The following AFF3 variants were observed in gnomAD, a reference collection of about 807,000 sequenced individuals.
AFF3 encodes the protein ALF transcription elongation factor 3.
AFF3 carries 32 observed loss-of-function variants against 129.7 expected under a neutral mutation model. The ratio of observed to expected loss-of-function variants is 0.25; its 90% confidence interval spans 0.19 to 0.33. The LOEUF (loss-of-function observed/expected upper bound fraction) is 0.33. Ranked by LOEUF, AFF3 falls within the 10% of genes least tolerant of loss-of-function variation. The pLI is 1.00. For synonymous variants in AFF3, 644 were observed against 635.4 expected, an observed-to-expected ratio of 1.01 and a Z score of -0.20; for missense variants, 1,373 against 1,592.0, an observed-to-expected ratio of 0.86 and a Z score of 2.34.
chr2:99,673,140 G>C (rs1465593349), intron 11 of AFF3, among the ~76,000 whole-genome samples: 1 of 151,708 alleles, frequency 6.6e-6, no homozygotes, highest in Non-Finnish European at 1.5e-5. Context: ...CAAGCTCCCA[G>C]TGCTGGGCTG....
chr2:99,984,061 G>A (rs1679638815), intron 7 of AFF3, among the ~76,000 whole-genome samples: 2 of 151,860 alleles, frequency 1.3e-5, no homozygotes, highest in South Asian at 4.2e-4. Context: ...ATATAGAAGG[G>A]TTTTGCCCCC....
intron 2 of AFF3, among the ~76,000 whole-genome samples, chr2:100,116,210 CT>C (rs34654595): frequency 6.6e-6 from 1 of 151,828 alleles, no homozygotes; most frequent in Admixed American, 6.6e-5. Flanking sequence ...CATACTTCTC[CT>C]TTTTGCCTTT....
chr2:99,748,289 C>T lies in AFF3; in HGVS notation c.1002+3932G>A, dbSNP rs79503695. 3.3e-5 allele frequency among the ~76,000 whole-genome samples: 5 copies of T among 152,284 alleles called. No individual in the cohort carries two copies. The South Asian group carries it at 1.0e-3, about 32-fold the overall frequency. The stretch of plus-strand genomic sequence containing the variant: ...ATATGTGTAGCTTCTGTCTCACCAG[C>T]CTTCTCTCCCCTTGCAAATGTCTTC... On this transcript the variant is annotated intron_variant, in intron 9 of 24. Coordinates refer to ENST00000672756, the MANE Select transcript of AFF3 (RefSeq NM_001386135.1).
chr2:99,659,889 G>A (rs1055919318), intron 12 of AFF3, among the ~76,000 whole-genome samples: 2 of 152,130 alleles, frequency 1.3e-5, no homozygotes, highest in Admixed American at 1.3e-4. Flanking sequence ...CCAGATGAAA[G>A]CACTAAGTAC....
At chr2:99,874,018 GA>G (rs1033067274) in intron 7 of AFF3, among the ~76,000 whole-genome samples, 3 of 151,066 alleles carry the variant, frequency 2.0e-5, no homozygotes, top group Admixed American at 6.6e-5. Context: ...ACTAAAAATA[GA>G]AAAAAAAATT....
intron 7 of AFF3, among the ~76,000 whole-genome samples, chr2:99,990,347 T>A (rs1216565536): frequency 6.6e-6 from 1 of 152,164 alleles, no homozygotes; most frequent in Non-Finnish European, 1.5e-5. Flanking sequence ...CCAAGAATTA[T>A]GAAGTTTTTT....
At chr2:100,101,050 GA>G (rs1322203201) in intron 4 of AFF3, among the ~76,000 whole-genome samples, 8 of 152,124 alleles carry the variant, frequency 5.3e-5, no homozygotes, top group Non-Finnish European at 1.2e-4. Flanking sequence ...ATTAGAGGTG[GA>G]AATTAGGGCC....
chr2:99,823,635 T>TA (rs899481858), intron 8 of AFF3, among the ~76,000 whole-genome samples: 2 of 152,086 alleles, frequency 1.3e-5, no homozygotes, highest in African/African-American at 4.8e-5. Flanking sequence ...GAAAGATACT[T>TA]AAAAAAATGA....
At chr2:99,616,270 G>A (rs1681420170) in intron 13 of AFF3, among the ~76,000 whole-genome samples, 1 of 151,680 alleles carries the variant, frequency 6.6e-6, no homozygotes, top group Non-Finnish European at 1.5e-5. Context: ...TGGATAGTGC[G>A]GCCTCAAACT....
chr2:99,700,004 G>A (rs970161855), intron 11 of AFF3, among the ~76,000 whole-genome samples: 1 of 152,200 alleles, frequency 6.6e-6, no homozygotes, highest in Non-Finnish European at 1.5e-5. Context: ...ATTTAGCGTG[G>A]AAGAAAGTGG....
At chr2:99,931,429 T>C (rs1428050801) in intron 7 of AFF3, among the ~76,000 whole-genome samples, 2 of 152,234 alleles carry the variant, frequency 1.3e-5, no homozygotes, top group Non-Finnish European at 2.9e-5. Context: ...AAAGGTATTA[T>C]TGATCGATAT....
chr2:99,814,931 C>T (rs1364073561), intron 8 of AFF3, among the ~76,000 whole-genome samples: 1 of 151,074 alleles, frequency 6.6e-6, no homozygotes, highest in East Asian at 1.9e-4. Flanking sequence ...CTCACTGCAA[C>T]CTCTGTCTCC....
intron 7 of AFF3, among the ~76,000 whole-genome samples, chr2:99,998,631 T>C (rs899493675): frequency 1.3e-5 from 2 of 152,242 alleles, no homozygotes; most frequent in Non-Finnish European, 1.5e-5. Context: ...ATTAAAAACA[T>C]GCCAAGGCCT....
intron 13 of AFF3, among the ~76,000 whole-genome samples, chr2:99,618,010 A>G (rs1203510684): frequency 6.6e-6 from 1 of 152,138 alleles, no homozygotes; most frequent in African/African-American, 2.4e-5. Context: ...CCATTTGGAC[A>G]CATCAGGTCA....
chr2:99,630,243 G>T (rs1055765263), intron 13 of AFF3, among the ~76,000 whole-genome samples: 8 of 152,232 alleles, frequency 5.3e-5, no homozygotes, highest in African/African-American at 1.9e-4. Flanking sequence ...TGCGCTGCAT[G>T]AAGCTTGCAA....
At chr2:100,065,235 A>G (rs1002510751) in intron 4 of AFF3, among the ~76,000 whole-genome samples, 3 of 152,246 alleles carry the variant, frequency 2.0e-5, no homozygotes, top group South Asian at 2.1e-4. Context: ...ATAAAAAGCA[A>G]TTAGTCAAAA....
intron 14 of AFF3, among the ~76,000 whole-genome samples, chr2:99,600,345 C>T (rs1679699998): frequency 6.6e-6 from 1 of 152,016 alleles, no homozygotes; most frequent in South Asian, 2.1e-4. Flanking sequence ...AAAGCTTTAG[C>T]CTCCTGAAAG....
chr2:100,113,247 C>T (rs944669923), intron 2 of AFF3, among the ~76,000 whole-genome samples: 7 of 152,152 alleles, frequency 4.6e-5, no homozygotes, highest in Admixed American at 2.0e-4. Flanking sequence ...AAGCAGTGAG[C>T]TAAGAAAGAA....
At chr2:99,762,914 T>C (rs1682732106) in intron 8 of AFF3, among the ~76,000 whole-genome samples, 1 of 152,258 alleles carries the variant, frequency 6.6e-6, no homozygotes, top group African/African-American at 2.4e-5. Context: ...CATTCAGCTT[T>C]TCAGTTCTTC....
Sources: allele counts gnomAD v4.1 joint callset (sites outside exome capture counted in the v4.1 genomes callset), GRCh38; gene constraint gnomAD v4.1.1; transcripts MANE v1.5; gene names NCBI Gene and HGNC (gene_info 2026-07-23, HGNC 2026-07-21).